WNK1: variants seen among roughly 807,000 people sequenced by gnomAD.
The protein encoded by WNK1 is WNK lysine deficient protein kinase 1.
In WNK1, 38 loss-of-function variants were observed where a neutral mutation model predicts 222.8. The observed-to-expected ratio is 0.17, with a 90% CI of 0.13 to 0.22. The LOEUF is 0.22. WNK1 is among the 10% of genes least tolerant of loss of function. The pLI is 1.00. For missense variants in WNK1, 2,348 were observed against 2,918.4 expected, an observed-to-expected ratio of 0.80 and a Z score of 4.50; for synonymous variants, 1,090 against 1,092.9, an observed-to-expected ratio of 1.00 and a Z score of 0.05.
Position 900,534 on chromosome 12 carries a change from T to C in WNK1, c.6507T>C (p.Pro2169=). ...TGCACCCCCAGCAGACCCTCCACCC[T>C]CCTGGCAACATCCCAGAGTCCGGGC... ...SVLHPQQTLH[P]PGNIPESGQN... Residue 2169 remains proline, a synonymous_variant, in exon 26 of 28, where the codon CCT becomes CCC. Transcript: ENST00000315939. 2 of 1,614,158 alleles carry C rather than the reference T, an allele frequency of 1.2e-6. No homozygotes were observed. The highest frequency in any genetic ancestry group is 1.7e-6 in the Non-Finnish European group (2 of 1,180,020).
rs989897714 is a variant in WNK1 at position 753,972 on chromosome 12, A to G, written c.407A>G (p.Gln136Arg). ...TATATSQVAQ[Q>R]PPAAAAPGEQ... ...ACCGCCACTTCCCAGGTAGCCCAGCAGCCTCCAGCCGCTGCCGCCCCTGGG... is the reference window on the plus strand; with the variant it reads ...ACCGCCACTTCCCAGGTAGCCCAGCGGCCTCCAGCCGCTGCCGCCCCTGGG... Residue 136 changes from glutamine to arginine, a missense_variant, in exon 1 of 28, where the codon CAG (glutamine) becomes CGG (arginine). Coordinates refer to ENST00000315939, the MANE Select transcript of WNK1 (RefSeq NM_018979.4). This position sits in a 1 kb window ranked among gnomAD's most constrained non-coding sequence, Gnocchi z 5.2. 2 of 1,596,138 alleles carry G rather than the reference A, an allele frequency of 1.3e-6. No individual in the cohort carries two copies. Among genetic ancestry groups the G allele is most frequent in the Non-Finnish European group, 8.5e-7 (1 of 1,172,514 alleles).
chr12:833,081 A>G (rs1208013715), intron 4 of WNK1, among the ~76,000 whole-genome samples: 1 of 151,576 alleles, frequency 6.6e-6, no homozygotes, highest in Non-Finnish European at 1.5e-5. Context: ...ATTTTGTTTA[A>G]AATTGTAGAA....
intron 26 of WNK1, 116 bp downstream of exon 26, chr12:900,786 T>C (rs1338818094): frequency 4.8e-6 from 6 of 1,247,694 alleles, no homozygotes; most frequent in African/African-American, 1.5e-5. Flanking sequence ...AGCCTGTGTG[T>C]TGTACACTGA....
chr12:870,042 TATAAA>T (rs1451670701), intron 8 of WNK1, among the ~76,000 whole-genome samples: 2 of 152,216 alleles, frequency 1.3e-5, no homozygotes, highest in East Asian at 3.8e-4. Flanking sequence ...GTGTACATCT[TATAAA>T]ATCTACATAG....
At chr12:792,764 C>A (rs541865453) in intron 1 of WNK1, among the ~76,000 whole-genome samples, 146 of 152,168 alleles carry the variant, frequency 9.6e-4, no homozygotes, top group African/African-American at 3.5e-3. Flanking sequence ...CAGAGGCAAC[C>A]ATATATTTGT....
At chr12:902,407 A>G (rs1955345300) in intron 26 of WNK1, among the ~76,000 whole-genome samples, 1 of 152,218 alleles carries the variant, frequency 6.6e-6, no homozygotes, top group Admixed American at 6.5e-5. Context: ...TTGTCAGAGT[A>G]GATTGAAATC....
At chr12:782,152 G>A (rs1943778069) in intron 1 of WNK1, among the ~76,000 whole-genome samples, 2 of 152,170 alleles carry the variant, frequency 1.3e-5, no homozygotes, top group Admixed American at 6.5e-5. Context: ...ACTTTGGAAA[G>A]TAACTTCTGA....
chr12:895,598 A>G (rs1187692264), intron 23 of WNK1, among the ~76,000 whole-genome samples: 1 of 152,076 alleles, frequency 6.6e-6, no homozygotes, highest in Non-Finnish European at 1.5e-5. Flanking sequence ...AGCTGGGATT[A>G]CAGGCACACG....
At chr12:821,518 G>T (rs532316811) in intron 2 of WNK1, among the ~76,000 whole-genome samples, 2 of 152,308 alleles carry the variant, frequency 1.3e-5, no homozygotes, top group African/African-American at 4.8e-5. Flanking sequence ...TTCACTTGTT[G>T]TTGGGCAGTG....
chr12:832,817 A>G (rs958100692), intron 4 of WNK1, among the ~76,000 whole-genome samples: 4 of 152,180 alleles, frequency 2.6e-5, no homozygotes, highest in African/African-American at 9.7e-5. Flanking sequence ...ACTGACTCTC[A>G]ATTTGGGCTG....
intron 4 of WNK1, among the ~76,000 whole-genome samples, chr12:830,865 A>G (rs1171859779): frequency 6.6e-6 from 1 of 152,242 alleles, no homozygotes; most frequent in Admixed American, 6.5e-5. Flanking sequence ...TTGTTTCAAA[A>G]ATGTCCGTTG....
rs565358026 is a variant in WNK1, at chr12:911,036, T to G, written c.*2244T>G. 9.7e-5 allele frequency: 33 copies of G among 338,812 alleles called. No individual in the cohort carries two copies. In the East Asian group the frequency reaches 1.3e-3, roughly 14 times the overall value. The allele number at this position is 338,812 out of a possible 1,614,324, so 21.0% of individuals were successfully genotyped here. On this transcript the variant is annotated 3_prime_UTR_variant, in exon 28 of 28. Coordinates refer to ENST00000315939, the MANE Select transcript of WNK1 (RefSeq NM_018979.4). ...CATGCAGCACATTATCATTTGTTAT[T>G]TGGGTTTAATAATAATTTTGACATC...
chr12:838,345 A>G (rs191280696), intron 4 of WNK1, among the ~76,000 whole-genome samples: 27 of 152,240 alleles, frequency 1.8e-4, no homozygotes, highest in African/African-American at 6.3e-4. Flanking sequence ...TAGCTGTACC[A>G]TATTACATTC....
At chr12:842,058 T>C (rs1949669020) in intron 4 of WNK1, among the ~76,000 whole-genome samples, 1 of 152,226 alleles carries the variant, frequency 6.6e-6, no homozygotes, top group Non-Finnish European at 1.5e-5. Flanking sequence ...TTTGTATTCA[T>C]TGTGCACAGC....
At chr12:830,619 A>G (rs1485237686) in intron 4 of WNK1, among the ~76,000 whole-genome samples, 1 of 152,242 alleles carries the variant, frequency 6.6e-6, no homozygotes, top group Non-Finnish European at 1.5e-5. Context: ...ATAAATAAAT[A>G]CCTTATTGTA....
intron 27 of WNK1, 197 bp from the exon 28 acceptor site, chr12:908,278 A>G: frequency 1.3e-6 from 1 of 749,664 alleles, no homozygotes; most frequent in Non-Finnish European, 2.2e-6. Flanking sequence ...ACACACACAC[A>G]GACACACACG....
chr12:775,348 C>G (rs1480815705), intron 1 of WNK1, among the ~76,000 whole-genome samples: 1 of 152,104 alleles, frequency 6.6e-6, no homozygotes, highest in African/African-American at 2.4e-5. Context: ...CAAATGAGTT[C>G]TTAGATCAGT....
intron 2 of WNK1, among the ~76,000 whole-genome samples, chr12:823,718 A>G (rs1948099625): frequency 6.6e-6 from 1 of 152,144 alleles, no homozygotes; most frequent in Non-Finnish European, 1.5e-5. Context: ...CATAGGTACT[A>G]TAATTATCCC....
At chr12:848,688 A>C (rs1950207880) in intron 4 of WNK1, among the ~76,000 whole-genome samples, 1 of 152,054 alleles carries the variant, frequency 6.6e-6, no homozygotes, top group Non-Finnish European at 1.5e-5. Flanking sequence ...TCTTCTCTGG[A>C]CTATGGAAAT....
Sources: allele counts gnomAD v4.1 joint callset (sites outside exome capture counted in the v4.1 genomes callset), GRCh38; gene constraint gnomAD v4.1.1; non-coding constraint Gnocchi (gnomAD v3.1); transcripts MANE v1.5; gene names NCBI Gene and HGNC (gene_info 2026-07-23, HGNC 2026-07-21).